KLHL22: variants seen among roughly 807,000 people sequenced by gnomAD.
The protein encoded by KLHL22 is kelch-like protein 22.
In KLHL22, 18 loss-of-function variants were observed where a neutral mutation model predicts 60.7. The observed-to-expected ratio is 0.30, with a 90% confidence interval of 0.20 to 0.44. KLHL22 has a LOEUF of 0.44. Ranked by LOEUF, KLHL22 falls within the 20% of genes least tolerant of loss-of-function variation. KLHL22 has a pLI of 1.00. For missense variants in KLHL22, 596 were observed against 852.3 expected (o/e 0.70, Z 3.74); for synonymous variants, 355 against 354.5 (o/e 1.00, Z -0.01).
intron 2 of KLHL22, chr22:20,481,064 C>A (rs1023987214): frequency 6.6e-6 from 1 of 151,736 alleles, no homozygotes; most frequent in Admixed American, 6.6e-5. Context: ...ATCTCCTGAC[C>A]TCGTGATCCG....
intron 2 of KLHL22, among the ~76,000 whole-genome samples, chr22:20,486,025 G>A (rs1406970486): frequency 2.0e-5 from 3 of 151,092 alleles, no homozygotes; most frequent in Admixed American, 1.3e-4. Context: ...AAAATTAGCC[G>A]GGCGTGGTGG....
At chr22:20,482,044 AC>A (rs2053511792) in intron 2 of KLHL22, 1 of 152,028 alleles carries the variant, frequency 6.6e-6, no homozygotes, top group Admixed American at 6.6e-5. Flanking sequence ...GCCGGTTCAC[AC>A]CTCTTTTTAG....
At position 20,442,026 on chromosome 22, in the gene KLHL22, C is replaced by T. The variant is rs2052766220; in HGVS notation, c.*47G>A. 6.7e-7 allele frequency: 1 copy of T among 1,488,188 alleles called. No homozygotes were observed. The highest frequency in any genetic ancestry group is 2.4e-5 in the Admixed American group (1 of 41,024). The allele number at this position is 1,488,188 out of a possible 1,614,324, so 92.2% of individuals were successfully genotyped here. ...GGCCTAGGCTGCGTGGGTTTCACTG[C>T]CCTGCAGCCCCAGCCTCCCTTCCCT... On this transcript the variant is annotated 3_prime_UTR_variant, in exon 7 of 7. Transcript: ENST00000328879.
intron 5 of KLHL22, chr22:20,451,655 T>C: frequency 1.9e-6 from 3 of 1,605,874 alleles, no homozygotes; most frequent in Non-Finnish European, 1.7e-6. Flanking sequence ...CGATGCTATG[T>C]AGGGGCCACA....
Position 20,482,997 on chromosome 22 carries a change from C to T in KLHL22, c.227+5988G>A, listed in dbSNP as rs1436409419. ...GTGGTGATCTTAGCCTCCAGCTTGACCTTAACGTTCACCAGGGCGTCCTAC... is the reference window on the plus strand; with the variant it reads ...GTGGTGATCTTAGCCTCCAGCTTGATCTTAACGTTCACCAGGGCGTCCTAC... On this transcript the variant is annotated intron_variant, in intron 2 of 6. Coordinates refer to ENST00000328879, the MANE Select transcript of KLHL22 (RefSeq NM_032775.4). 4 of 710,126 alleles carry T rather than the reference C, an allele frequency of 5.6e-6. 1 individual carries two copies. Among genetic ancestry groups the T allele is most frequent in the South Asian group, 3.0e-5 (2 of 66,898 alleles). The allele number at this position is 710,126 out of a possible 1,614,324, so 44.0% of individuals were successfully genotyped here.
chr22:20,489,836 G>C (rs1250605020), intron 1 of KLHL22: 1 of 470,394 alleles, frequency 2.1e-6, no homozygotes, highest in Non-Finnish European at 4.4e-6. Context: ...GGCATTTCCA[G>C]GGCCTACTTT....
chr22:20,450,151 A>G (rs949935502), intron 5 of KLHL22: 15 of 793,784 alleles, frequency 1.9e-5, no homozygotes, highest in Non-Finnish European at 3.5e-5. Flanking sequence ...CCAAAGACAT[A>G]ATGACAAATA....
At chr22:20,493,874 C>T (rs2053727626) in intron 1 of KLHL22, among the ~76,000 whole-genome samples, 1 of 151,322 alleles carries the variant, frequency 6.6e-6, no homozygotes, top group Middle Eastern at 3.2e-3. Flanking sequence ...ACCAGCCTGG[C>T]CAACATGAGG....
At chr22:20,479,110 C>CA (rs1191139480) in intron 2 of KLHL22, among the ~76,000 whole-genome samples, 1 of 151,190 alleles carries the variant, frequency 6.6e-6, no homozygotes, top group African/African-American at 2.4e-5. Context: ...GCCTGGGCGA[C>CA]AGAGTGAGAT....
At chr22:20,453,107 G>A (rs189940484) in intron 5 of KLHL22, among the ~76,000 whole-genome samples, 81 of 152,158 alleles carry the variant, frequency 5.3e-4, no homozygotes, top group Admixed American at 9.8e-4. Context: ...GGGAGTGTGG[G>A]AATGTGATAA....
In KLHL22 at chr22:20,465,811, T is replaced by G. The variant is rs1280699290; in HGVS notation, c.394-235A>C. ...ACAGGATATACAGCATGTTTTTTTT[T>G]GGTTTTGTTTTGCTTTTCTTTGAGA... On this transcript the variant is annotated intron_variant, in intron 3 of 6. Transcript: ENST00000328879. The surrounding 1 kb of genome is among the most constrained non-coding windows in gnomAD (Gnocchi z 4.9). Among the ~76,000 whole-genome samples, 1 of 152,064 alleles carries G rather than the reference T, an allele frequency of 6.6e-6. No homozygotes were observed. The highest frequency in any genetic ancestry group is 6.6e-5 in the Admixed American group (1 of 15,266).
chr22:20,483,290 G>A, intron 2 of KLHL22: 1 of 706,196 alleles, frequency 1.4e-6, no homozygotes, highest in Non-Finnish European at 2.6e-6. Flanking sequence ...TCAATCTGCT[G>A]AGACCAGTAC....
At position 20,485,915 on chromosome 22, in the gene KLHL22, T is replaced by C. The variant is rs141585844; in HGVS notation, c.227+3070A>G. Among the ~76,000 whole-genome samples the C allele has an allele frequency of 7.8e-3, 1,171 of 150,144 alleles. 16 individuals are homozygous for C. The highest frequency in any genetic ancestry group is 0.027 in the African/African-American group (1,090 of 40,660). On this transcript the variant is annotated intron_variant, in intron 2 of 6. Coordinates refer to ENST00000328879, the MANE Select transcript of KLHL22 (RefSeq NM_032775.4). ...GGCGTGGTGTGGCTCACACCTGTCA[T>C]CCCAGCACTTTGGGAGGCCAAGGAG...
At chr22:20,491,107 T>G (rs1204502923) in intron 1 of KLHL22, 2 of 152,114 alleles carry the variant, frequency 1.3e-5, no homozygotes, top group Non-Finnish European at 2.9e-5. Flanking sequence ...TCTACTGGTT[T>G]GTTATAAAGG....
chr22:20,488,686 G>T, intron 2 of KLHL22: 1 of 459,278 alleles, frequency 2.2e-6, no homozygotes. Context: ...TGGTAAGGGA[G>T]GGGAGGAGAG....
chr22:20,489,372 T>A (rs2146288751), intron 1 of KLHL22, 128 bp from the exon 2 acceptor site: 1 of 690,992 alleles, frequency 1.4e-6, no homozygotes, highest in East Asian at 2.7e-5. Flanking sequence ...TTCCCTCTAT[T>A]TCCAAATCCC....
At chr22:20,481,199 A>G (rs978908599) in intron 2 of KLHL22, 2 of 152,168 alleles carry the variant, frequency 1.3e-5, no homozygotes, top group Admixed American at 1.3e-4. Context: ...TTGATTGTTC[A>G]TAGTCAGTAA....
chr22:20,483,770 G>T, intron 2 of KLHL22: 1 of 739,482 alleles, frequency 1.4e-6, no homozygotes, highest in Non-Finnish European at 2.5e-6. Context: ...AGTGCTTCTG[G>T]ATTTTGCTCT....
At chr22:20,483,466 T>C (rs1345263057) in intron 2 of KLHL22, 9 of 754,482 alleles carry the variant, frequency 1.2e-5, no homozygotes, top group Non-Finnish European at 2.0e-5. Flanking sequence ...ATGGTTCTTC[T>C]TCATGAAGAG....
Sources: allele counts gnomAD v4.1 joint callset (sites outside exome capture counted in the v4.1 genomes callset), GRCh38; gene constraint gnomAD v4.1.1; non-coding constraint Gnocchi (gnomAD v3.1); transcripts MANE v1.5; gene names NCBI Gene and HGNC (gene_info 2026-07-23, HGNC 2026-07-21).